The following COL28A1 variants were observed in gnomAD, a reference collection of about 807,000 sequenced individuals.
COL28A1 encodes the protein collagen type XXVIII alpha 1 chain.
Under a neutral mutation model 150.2 loss-of-function variants are expected in COL28A1, and 161 were observed. The ratio of observed to expected loss-of-function variants is 1.07; its 90% CI spans 0.94 to 1.22. The LOEUF (loss-of-function observed/expected upper bound fraction) is 1.22. COL28A1 is among the 50% of genes most tolerant of loss of function. The pLI, the probability that COL28A1 is intolerant of heterozygous loss-of-function variation, is 0.00. For synonymous variants in COL28A1, 552 were observed against 469.7 expected (o/e 1.18, Z -2.26); for missense variants, 1,617 against 1,388.3 (o/e 1.16, Z -2.62).
chr7:7,375,932 C>T (rs1781517740), intron 30 of COL28A1, among the ~76,000 whole-genome samples: 1 of 152,204 alleles, frequency 6.6e-6, no homozygotes, highest in African/African-American at 2.4e-5. Flanking sequence ...AGACAAGCCG[C>T]AATGCCTACA....
rs535747241 is a variant in COL28A1 at position 7,451,034 on chromosome 7, T to C, written c.1509+1285A>G. 3.3e-5 allele frequency among the ~76,000 whole-genome samples: 5 copies of C among 152,160 alleles called. No individual in the cohort carries two copies. In the South Asian group the frequency reaches 1.0e-3, roughly 32 times the overall value. On this transcript the variant is annotated intron_variant, in intron 18 of 34. Coordinates refer to ENST00000399429, the MANE Select transcript of COL28A1 (RefSeq NM_001037763.3). The stretch of plus-strand genomic sequence containing the variant: ...ATGATAAACACCAAATTCATAATAA[T>C]GATTATGTGTGAGGAGAGAAGGGAG...
At chr7:7,400,391 C>T (rs1010018197) in intron 27 of COL28A1, among the ~76,000 whole-genome samples, 18 of 152,046 alleles carry the variant, frequency 1.2e-4, no homozygotes, top group African/African-American at 4.3e-4. Flanking sequence ...AGATGGAAAC[C>T]CTTGGCTTTG....
chr7:7,500,189 T>C (rs1780442164), intron 11 of COL28A1, among the ~76,000 whole-genome samples: 1 of 152,222 alleles, frequency 6.6e-6, no homozygotes, highest in Non-Finnish European at 1.5e-5. Flanking sequence ...CTACTGAAAT[T>C]ATTCTTTTGA....
chr7:7,506,018 T>C lies in COL28A1; in HGVS notation c.1022A>G (p.Asn341Ser), dbSNP rs1780789886. The part of the protein sequence containing the change: ...GDPGPKGFQG[N>S]KGEPGPPGPY... ...TTAATCAAAGGGTAAGATTACCTTA[T>C]TGCCTTGAAACCCCTTTGGGCCTGG... Residue 341 changes from asparagine (N) to serine (S), a missense_variant, in exon 11 of 35, where the codon AAT becomes AGT. Coordinates refer to ENST00000399429, the MANE Select transcript of COL28A1 (RefSeq NM_001037763.3). 4 of 1,367,390 alleles carry C rather than the reference T, an allele frequency of 2.9e-6. No homozygotes were observed. The highest frequency in any genetic ancestry group is 1.4e-5 in the African/African-American group (1 of 70,398). The allele number at this position is 1,367,390 out of a possible 1,614,324, so 84.7% of individuals were successfully genotyped here.
chr7:7,360,951 C>A (rs1780621899), intron 33 of COL28A1, among the ~76,000 whole-genome samples: 3 of 152,194 alleles, frequency 2.0e-5, no homozygotes, highest in Admixed American at 1.3e-4. Flanking sequence ...CATTTCCTAA[C>A]ACTAGACGTC....
At chr7:7,405,157 G>T (rs541711632) in intron 27 of COL28A1, among the ~76,000 whole-genome samples, 1 of 152,180 alleles carries the variant, frequency 6.6e-6, no homozygotes, top group South Asian at 2.1e-4. Context: ...AAGAAGATCT[G>T]ATTTTAAAAC....
intron 8 of COL28A1, 91 bp downstream of exon 8, chr7:7,515,723 G>T: frequency 1.3e-6 from 1 of 762,948 alleles, no homozygotes. Context: ...CAAAAATAAA[G>T]AAAATAACTT....
intron 27 of COL28A1, among the ~76,000 whole-genome samples, chr7:7,408,002 A>C (rs924542486): frequency 3.9e-5 from 6 of 152,076 alleles, no homozygotes; most frequent in Admixed American, 1.3e-4. Context: ...AGTCATCACA[A>C]CCAATATCCT....
intron 33 of COL28A1, among the ~76,000 whole-genome samples, chr7:7,361,637 T>C (rs528140418): frequency 6.6e-6 from 1 of 152,350 alleles, no homozygotes; most frequent in African/African-American, 2.4e-5. Context: ...ATAAATGTCT[T>C]CTTTTGAGAA....
chr7:7,400,730 A>G (rs1010448339), intron 27 of COL28A1, among the ~76,000 whole-genome samples: 3 of 150,788 alleles, frequency 2.0e-5, no homozygotes, highest in South Asian at 4.2e-4. Flanking sequence ...TACTTCCTCT[A>G]TAACTCCATT....
chr7:7,346,773 T>C, the COL28A1 span, among the ~76,000 whole-genome samples: 3 of 152,052 alleles, frequency 2.0e-5, no homozygotes, highest in Non-Finnish European at 4.4e-5. Flanking sequence ...GTATTTGTAC[T>C]AGGAAAAGGG....
At chr7:7,350,674 T>TTTA in the COL28A1 span, among the ~76,000 whole-genome samples, 7,812 of 133,996 alleles carry the variant, frequency 0.058, 755 homozygotes, top group African/African-American at 0.2. Flanking sequence ...TTTTTTTTTT[T>TTTA]AAAACCGCTG....
At chr7:7,540,825 G>T (rs1001476728), upstream of COL28A1, among the ~76,000 whole-genome samples, 2 of 152,076 alleles carry the variant, frequency 1.3e-5, no homozygotes, top group East Asian at 3.9e-4. Flanking sequence ...CCACCTCTTC[G>T]AACCCTGGGT....
At chr7:7,416,416 C>T (rs530374390) in intron 27 of COL28A1, among the ~76,000 whole-genome samples, 5 of 152,262 alleles carry the variant, frequency 3.3e-5, no homozygotes, top group South Asian at 2.1e-4. Context: ...GAAAACCGGC[C>T]CCAGGCCTAA....
At chr7:7,344,268 C>T in the COL28A1 span, among the ~76,000 whole-genome samples, 1,895 of 152,096 alleles carry the variant, frequency 0.012, 43 homozygotes, top group African/African-American at 0.043. Flanking sequence ...CTGCACCTGG[C>T]CTATTGTCTC....
chr7:7,483,139 AC>A (rs1265721749), intron 13 of COL28A1, among the ~76,000 whole-genome samples: 8 of 152,168 alleles, frequency 5.3e-5, no homozygotes, highest in Admixed American at 3.9e-4. Context: ...TAAGTCAAGT[AC>A]CTCCTTATGA....
Position 7,373,482 on chromosome 7 carries a change from G to A in COL28A1, c.2424C>T (p.Ser808=), listed in dbSNP as rs372555130. ...ELVFVIDSSE[S]VGPENFQIIK... is the part of the protein sequence containing the mutation. Reference sequence around the variant, plus strand: ...TGATCTGAAAGTTCTCTGGCCCCACGCTTTCTGAGCTGTCGATCACAAACA... The same window carrying A: ...TGATCTGAAAGTTCTCTGGCCCCACACTTTCTGAGCTGTCGATCACAAACA... Residue 808 remains serine (S), a synonymous_variant, in exon 32 of 35, where the codon AGC becomes AGT. Coordinates refer to ENST00000399429, the MANE Select transcript of COL28A1 (RefSeq NM_001037763.3). The surrounding 1 kb of genome is among the most constrained non-coding windows in gnomAD (Gnocchi z 4.1). 2.0e-5 allele frequency: 32 copies of A among 1,613,862 alleles called. No homozygotes were observed. The highest frequency in any genetic ancestry group is 1.6e-4 in the East Asian group (7 of 44,896).
rs1453246022 is a variant in COL28A1, at chr7:7,381,609, C to G, written c.2140G>C (p.Glu714Gln). The part of the protein sequence containing the change: ...PGYGSQGIKG[E>Q]QGPQGFPGPK... ...CCTGGGAAGCCTTGTGGTCCTTGTTCCCCCTACATAGGATATGAGAAAGAG... is the reference window on the plus strand; with the variant it reads ...CCTGGGAAGCCTTGTGGTCCTTGTTGCCCCTACATAGGATATGAGAAAGAG... Residue 714 changes from glutamate to glutamine, a missense_variant, in exon 28 of 35, where the codon GAA becomes CAA. Coordinates refer to ENST00000399429, the MANE Select transcript of COL28A1 (RefSeq NM_001037763.3). 1.2e-6 allele frequency: 2 copies of G among 1,612,234 alleles called. No individual in the cohort carries two copies. The highest frequency in any genetic ancestry group is 8.5e-7 in the Non-Finnish European group (1 of 1,178,364).
chr7:7,508,015 G>A (rs1036851907), intron 9 of COL28A1, among the ~76,000 whole-genome samples: 2 of 152,058 alleles, frequency 1.3e-5, no homozygotes, highest in African/African-American at 4.8e-5. Flanking sequence ...GGCGGATCAC[G>A]AGGTCAGGAG....
Sources: allele counts gnomAD v4.1 joint callset (sites outside exome capture counted in the v4.1 genomes callset), GRCh38; gene constraint gnomAD v4.1.1; non-coding constraint Gnocchi (gnomAD v3.1); transcripts MANE v1.5; gene names NCBI Gene and HGNC (gene_info 2026-07-23, HGNC 2026-07-21).